Variants in TXNRD1 observed in about 807,000 individuals in gnomAD.
TXNRD1 encodes thioredoxin reductase 1, cytoplasmic.
In TXNRD1, 57 loss-of-function variants were observed where a neutral mutation model predicts 80.3. That is an observed-to-expected ratio of 0.71 (90% confidence interval 0.57 to 0.89). TXNRD1 has a LOEUF of 0.89. TXNRD1 is among the 40% of genes least tolerant of loss of function. The probability of loss-of-function intolerance (pLI) is 0.00; values close to 1 mark genes in which losing one functional copy is unlikely to be tolerated. For missense variants in TXNRD1, 730 were observed against 803.0 expected (o/e 0.91, Z 1.10); for synonymous variants, 291 against 285.2 (o/e 1.02, Z -0.20).
At position 104,321,172 on chromosome 12, in the gene TXNRD1, A is replaced by G. The variant is rs772431071; in HGVS notation, c.1071A>G (p.Gly357=). The change falls in exon 10 of 17, where the codon GGA becomes GGG. Residue 357 remains glycine (G), a synonymous_variant. Coordinates refer to ENST00000525566, the MANE Select transcript of TXNRD1 (RefSeq NM_001093771.3). Reference sequence around the variant, plus strand: ...CCTATGTCGCTTTGGAGTGCGCTGGATTTCTTGCTGGTATTGGTTTAGACG... The same window carrying G: ...CCTATGTCGCTTTGGAGTGCGCTGGGTTTCTTGCTGGTATTGGTTTAGACG... The part of the protein sequence containing the change: ...GASYVALECA[G]FLAGIGLDVT... 4 of 1,609,794 alleles carry G rather than the reference A, an allele frequency of 2.5e-6. No individual in the cohort carries two copies. The South Asian group carries it at 4.4e-5, about 18-fold the overall frequency.
At chr12:104,300,889 A>T (rs2034599360) in intron 4 of TXNRD1, among the ~76,000 whole-genome samples, 1 of 152,084 alleles carries the variant, frequency 6.6e-6, no homozygotes, top group African/African-American at 2.4e-5. Context: ...CAGGTGAGCC[A>T]CCCACCTCGG....
At chr12:104,290,922 CACTT>C (rs2034179893) in intron 4 of TXNRD1, 3 of 601,758 alleles carry the variant, frequency 5.0e-6, no homozygotes, top group Non-Finnish European at 8.7e-6. Context: ...CTTTGGAACT[CACTT>C]AATTGATTTG....
intron 7 of TXNRD1, among the ~76,000 whole-genome samples, chr12:104,316,328 C>T (rs748294290): frequency 0.012 from 1,882 of 152,072 alleles, 30 homozygotes; most frequent in Non-Finnish European, 0.02. Flanking sequence ...TGGATTAAAA[C>T]TATTTAGAGT....
In TXNRD1 at chr12:104,348,818, TA is replaced by T. The variant is rs2036571096; in HGVS notation, c.*398del. 1 of 175,432 alleles carries T rather than the reference TA, an allele frequency of 5.7e-6. No individual in the cohort carries two copies. The highest frequency in any genetic ancestry group is 1.2e-5 in the Non-Finnish European group (1 of 82,294). The allele number at this position is 175,432 out of a possible 1,614,324, so 10.9% of individuals were successfully genotyped here. On this transcript the variant is annotated 3_prime_UTR_variant, in exon 17 of 17. Coordinates refer to ENST00000525566, the MANE Select transcript of TXNRD1 (RefSeq NM_001093771.3). ...TCTTTTTTCTCCATGGTGTTAATGA[TA>T]TTAGAGATGAAAAACGTTAGCAGTT...
At chr12:104,305,116 T>C (rs949137609) in intron 4 of TXNRD1, 8 of 594,792 alleles carry the variant, frequency 1.3e-5, no homozygotes, top group Non-Finnish European at 2.1e-5. Context: ...TGATCTTCTG[T>C]TATTAAAACA....
chr12:104,289,069 C>CG (rs2034083071), intron 4 of TXNRD1, 29 bp downstream of exon 4: 1 of 1,601,602 alleles, frequency 6.2e-7, no homozygotes. Flanking sequence ...TCTTTTTAAA[C>CG]GGGGGATGAG....
At chr12:104,326,460 A>AATT in intron 12 of TXNRD1, 37 bp downstream of exon 12, 3 of 539,390 alleles carry the variant, frequency 5.6e-6, no homozygotes, top group Non-Finnish European at 8.2e-6. Context: ...TATTTGTGGG[A>AATT]TTTTTTTTTT....
At chr12:104,319,709 C>T (rs2035462645) in intron 9 of TXNRD1, 124 bp downstream of exon 9, 2 of 707,934 alleles carry the variant, frequency 2.8e-6, no homozygotes, top group Non-Finnish European at 4.9e-6. Context: ...ATTGTGCCCT[C>T]TCTGGGGGCA....
intron 14 of TXNRD1, chr12:104,333,990 ATTAG>A (rs1593865454): frequency 7.9e-6 from 2 of 251,576 alleles, no homozygotes; most frequent in Non-Finnish European, 1.5e-5. Context: ...CTTTTTTGTT[ATTAG>A]TTAGGGTGTA....
At chr12:104,260,402 G>A (rs563132414) in intron 3 of TXNRD1, among the ~76,000 whole-genome samples, 3 of 152,178 alleles carry the variant, frequency 2.0e-5, no homozygotes, top group African/African-American at 4.8e-5. Flanking sequence ...GGGAGGCAGA[G>A]GTTGCGGTGA....
intron 3 of TXNRD1, chr12:104,265,371 A>T: frequency 6.2e-7 from 1 of 1,608,572 alleles, no homozygotes; most frequent in Admixed American, 1.7e-5. Flanking sequence ...CCACCCCCAA[A>T]TGCCACACGC....
At chr12:104,339,818 T>C (rs2036262842) in intron 16 of TXNRD1, among the ~76,000 whole-genome samples, 1 of 152,218 alleles carries the variant, frequency 6.6e-6, no homozygotes, top group Non-Finnish European at 1.5e-5. Context: ...AATGTGTTTA[T>C]ATTGGAGAAC....
At chr12:104,330,555 G>T (rs1422020542) in intron 13 of TXNRD1, among the ~76,000 whole-genome samples, 3 of 151,316 alleles carry the variant, frequency 2.0e-5, no homozygotes, top group Non-Finnish European at 4.4e-5. Context: ...CATTAAGGGT[G>T]TGAACTATAG....
chr12:104,323,523 G>A (rs1483453521), intron 10 of TXNRD1, among the ~76,000 whole-genome samples: 4 of 145,338 alleles, frequency 2.8e-5, no homozygotes, highest in African/African-American at 7.8e-5. Context: ...GGCTGGCCGG[G>A]CGGGGGGCTG....
Position 104,315,886 on chromosome 12 carries a change from CGAG to C in TXNRD1, c.724_726del (p.Glu242del). 6.2e-7 allele frequency: 1 copy of C among 1,610,034 alleles called. No homozygotes were observed. Among genetic ancestry groups the C allele is most frequent in the Non-Finnish European group, 8.5e-7 (1 of 1,177,570 alleles). On this transcript the variant is annotated inframe_deletion, in exon 7 of 17. Coordinates refer to ENST00000525566, the MANE Select transcript of TXNRD1 (RefSeq NM_001093771.3). The stretch of plus-strand genomic sequence containing the variant: ...ACTCTCGAAATTATGGATGGAAAGT[CGAG>C]GAGACAGGTATGAGAGGGAAAAGCT...
At chr12:104,307,344 C>T (rs188036193) in intron 4 of TXNRD1, among the ~76,000 whole-genome samples, 11 of 152,278 alleles carry the variant, frequency 7.2e-5, no homozygotes, top group Admixed American at 3.3e-4. Context: ...TGGAGATTGA[C>T]GCAGGGAAGC....
intron 3 of TXNRD1, 78 bp downstream of exon 3, chr12:104,258,157 G>C: frequency 8.5e-7 from 1 of 1,183,106 alleles, no homozygotes. Context: ...GCTTTAATTT[G>C]TCTTCCTTGA....
intron 12 of TXNRD1, 116 bp downstream of exon 12, chr12:104,326,539 C>T: frequency 1.7e-6 from 1 of 604,916 alleles, no homozygotes; most frequent in Non-Finnish European, 2.8e-6. Flanking sequence ...GATCTCGGCT[C>T]ACTGCAACCT....
intron 4 of TXNRD1, among the ~76,000 whole-genome samples, chr12:104,302,093 T>A (rs1215603480): frequency 1.3e-5 from 2 of 152,204 alleles, no homozygotes; most frequent in Non-Finnish European, 2.9e-5. Context: ...AAGCCAACAA[T>A]CTAATAGGGT....
Sources: allele counts gnomAD v4.1 joint callset (sites outside exome capture counted in the v4.1 genomes callset), GRCh38; gene constraint gnomAD v4.1.1; transcripts MANE v1.5; gene names NCBI Gene and HGNC (gene_info 2026-07-23, HGNC 2026-07-21).